SNX19: variants seen among roughly 807,000 people sequenced by gnomAD.
SNX19 encodes the protein sorting nexin 19, also known as sorting nexin-19.
Under a neutral mutation model 85.2 loss-of-function variants are expected in SNX19, and 60 were observed. The ratio of observed to expected loss-of-function variants is 0.70; its 90% CI spans 0.57 to 0.87. The LOEUF is 0.87. Among genes scored for constraint, SNX19 ranks in the 40% least tolerant of loss-of-function variants. The pLI is 0.00. For missense variants in SNX19, 1,201 were observed against 1,217.8 expected (o/e 0.99, Z 0.21); for synonymous variants, 520 against 470.0 (o/e 1.11, Z -1.38).
In SNX19 at chr11:130,876,411, G is replaced by C. The variant is rs542403079; in HGVS notation, c.*2011C>G. 2.6e-5 allele frequency: 4 copies of C among 152,632 alleles called. No homozygotes were observed. Among genetic ancestry groups the C allele is most frequent in the African/African-American group, 9.6e-5 (4 of 41,454 alleles). 9.5% of individuals were successfully genotyped at this position (152,632 alleles called of 1,614,324 possible). On this transcript the variant is annotated 3_prime_UTR_variant, in exon 11 of 11. Transcript: ENST00000265909. Reference sequence around the variant, plus strand: ...AGCTTATCTTTTTGGGGTACGTGGAGTAGAGGTGGGGACTCTTATATAATA... The same window carrying C: ...AGCTTATCTTTTTGGGGTACGTGGACTAGAGGTGGGGACTCTTATATAATA...
chr11:130,911,607 C>T (rs1198748797), intron 2 of SNX19, 26 bp downstream of exon 2: 3 of 1,613,422 alleles, frequency 1.9e-6, no homozygotes, highest in African/African-American at 1.3e-5. Flanking sequence ...AGCAAGCGGG[C>T]AGTAGGGGTT....
rs200488520 is a variant in SNX19, at chr11:130,914,263, T to G, written c.1674+3A>C. The G allele has an allele frequency of 2.0e-3, 3,136 of 1,539,806 alleles. 1 individual carries two copies. The highest frequency in any genetic ancestry group is 2.6e-3 in the Non-Finnish European group (2,930 of 1,142,108). ...TGAGCACCCACAGCTTTAATCCTGT[T>G]ACCTTCACAGTATAGAGTGTGTATG... On this transcript the variant is annotated splice_donor_region_variant and intron_variant, in intron 1 of 10. Transcript: ENST00000265909.
At chr11:130,901,248 T>C (rs1281306345) in intron 8 of SNX19, among the ~76,000 whole-genome samples, 2 of 152,126 alleles carry the variant, frequency 1.3e-5, no homozygotes, top group African/African-American at 4.8e-5. Context: ...GGGACAAAAG[T>C]GTACCCCAGT....
chr11:130,876,365 G>C lies in SNX19; in HGVS notation c.*2057C>G, dbSNP rs1943248585. 1 of 152,460 alleles carries C rather than the reference G, an allele frequency of 6.6e-6. No individual in the cohort carries two copies. Among genetic ancestry groups the C allele is most frequent in the Admixed American group, 6.5e-5 (1 of 15,286 alleles). The allele number at this position is 152,460 out of a possible 1,614,324, so 9.4% of individuals were successfully genotyped here. On this transcript the variant is annotated 3_prime_UTR_variant, in exon 11 of 11. Coordinates refer to ENST00000265909, the MANE Select transcript of SNX19 (RefSeq NM_014758.3). ...GCAATATCCATTATTTCCCTCCTGGGTAGAAGGAGGATCTGAGGACAGCTT... is the reference window on the plus strand; with the variant it reads ...GCAATATCCATTATTTCCCTCCTGGCTAGAAGGAGGATCTGAGGACAGCTT...
chr11:130,914,696 T>C lies in SNX19; in HGVS notation c.1244A>G (p.Asp415Gly), dbSNP rs761046819. The C allele has an allele frequency of 5.6e-6, 9 of 1,613,940 alleles. No homozygotes were observed. Among genetic ancestry groups the C allele is most frequent in the Non-Finnish European group, 7.6e-6 (9 of 1,179,914 alleles). ...CTCTGCTCCTTCAGATGCCTCACCATCTTTGGGTTCCAGAGCCTGGGAACT... is the reference window on the plus strand; with the variant it reads ...CTCTGCTCCTTCAGATGCCTCACCACCTTTGGGTTCCAGAGCCTGGGAACT... ...LESSQALEPK[D>G]GEASEGAEAE... The change falls in exon 1 of 11, where the codon GAT becomes GGT. Residue 415 changes from aspartate (D) to glycine (G), a missense_variant. Coordinates refer to ENST00000265909, the MANE Select transcript of SNX19 (RefSeq NM_014758.3).
chr11:130,883,422 A>C (rs889115028), intron 8 of SNX19, among the ~76,000 whole-genome samples: 2 of 152,192 alleles, frequency 1.3e-5, no homozygotes, highest in African/African-American at 4.8e-5. Flanking sequence ...CCCTGGAAAA[A>C]GTCAGGCCCA....
At chr11:130,892,007 A>T (rs988262267) in intron 8 of SNX19, among the ~76,000 whole-genome samples, 2 of 150,966 alleles carry the variant, frequency 1.3e-5, no homozygotes, top group African/African-American at 2.4e-5. Context: ...TGCCCGGCAA[A>T]TTTTTTTTGT....
At chr11:130,914,177 G>T in intron 1 of SNX19, 89 bp downstream of exon 1, 1 of 1,104,252 alleles carries the variant, frequency 9.1e-7, no homozygotes, top group Non-Finnish European at 1.3e-6. Context: ...CAAACTAACA[G>T]CATCTCTCCC....
rs1191149678 is a variant in SNX19, at chr11:130,906,070, C to T, written c.2326G>A (p.Glu776Lys). 6.2e-7 allele frequency: 1 copy of T among 1,614,112 alleles called. No homozygotes were observed. Among genetic ancestry groups the T allele is most frequent in the East Asian group, 2.2e-5 (1 of 44,876 alleles). ...SFIEKQTKLL[E>K]MQPTKAPEKD... ...TCTGGGGCTTTTGTTGGCTGCATTT[C>T]CAGTAACTTTGTCTGTTTTTCAATA... Residue 776 changes from glutamate to lysine, a missense_variant, in exon 7 of 11, where the codon GAA becomes AAA. Physicochemically the swap from Glu to Lys is moderately conservative, Grantham distance 56. This residue lies in a region of SNX19 where 285 missense variants were observed against 295.3 expected (regional missense o/e 0.97). Coordinates refer to ENST00000265909, the MANE Select transcript of SNX19 (RefSeq NM_014758.3).
chr11:130,888,538 T>C (rs1319241455), intron 8 of SNX19, among the ~76,000 whole-genome samples: 1 of 152,196 alleles, frequency 6.6e-6, no homozygotes, highest in Non-Finnish European at 1.5e-5. Context: ...TGCATGCTAA[T>C]CAGGCAGGGC....
chr11:130,915,999 AG>A lies in SNX19; in HGVS notation c.-61del. 1.4e-6 allele frequency: 2 copies of A among 1,462,018 alleles called. No homozygotes were observed. Among genetic ancestry groups the A allele is most frequent in the Non-Finnish European group, 1.9e-6 (2 of 1,070,568 alleles). The allele number at this position is 1,462,018 out of a possible 1,614,324, so 90.6% of individuals were successfully genotyped here. On this transcript the variant is annotated 5_prime_UTR_variant, in exon 1 of 11. An upstream open reading frame in the 5' UTR gains an earlier in-frame stop. Transcript: ENST00000265909. ...GCCCTCAAGATTTTACTTCAGAGTT[AG>A]GGAAGGGGGGCATGAACTGTGTCTC...
chr11:130,884,149 C>A (rs1217536574), intron 8 of SNX19, among the ~76,000 whole-genome samples: 1 of 152,164 alleles, frequency 6.6e-6, no homozygotes, highest in Non-Finnish European at 1.5e-5. Context: ...GTTCTATCAT[C>A]CTTCTCTAAG....
At chr11:130,906,336 C>A (rs1328016757) in intron 6 of SNX19, among the ~76,000 whole-genome samples, 1 of 152,168 alleles carries the variant, frequency 6.6e-6, no homozygotes, top group Non-Finnish European at 1.5e-5. Flanking sequence ...CATTTCTGCA[C>A]CCATTTTTGG....
In SNX19 at chr11:130,878,069, T is replaced by G. The variant is rs1943368777; in HGVS notation, c.*353A>C. 5.6e-6 allele frequency: 1 copy of G among 177,486 alleles called. No individual in the cohort carries two copies. Among genetic ancestry groups the G allele is most frequent in the African/African-American group, 2.3e-5 (1 of 42,854 alleles). 11.0% of individuals were successfully genotyped at this position (177,486 alleles called of 1,614,324 possible). ...TGTGTGCTGGTGGATTAAGCACATG[T>G]GTGCACAGGGCCAGGATTCTGGCAA... On this transcript the variant is annotated 3_prime_UTR_variant, in exon 11 of 11. Coordinates refer to ENST00000265909, the MANE Select transcript of SNX19 (RefSeq NM_014758.3).
intron 8 of SNX19, among the ~76,000 whole-genome samples, chr11:130,890,526 T>A (rs1944419889): frequency 6.6e-6 from 1 of 152,134 alleles, no homozygotes; most frequent in Admixed American, 6.5e-5. Flanking sequence ...CTCACAGGAG[T>A]CTGAATGAGC....
chr11:130,880,925 T>G, intron 8 of SNX19, 119 bp from the exon 9 acceptor site: 1 of 820,010 alleles, frequency 1.2e-6, no homozygotes, highest in Admixed American at 2.8e-5. Context: ...ACCCTCAAGG[T>G]GATGGCAGTA....
rs1489456776 is a variant in SNX19, at chr11:130,911,669, G to C, written c.1777C>G (p.Leu593Val). ...YREFLNLQTRLEEKPDLRKFI... is the reference protein window; with the variant it reads ...YREFLNLQTRVEEKPDLRKFI... The stretch of plus-strand genomic sequence containing the variant: ...TTTCGTAGATCTGGTTTCTCCTCCA[G>C]ACGGGTCTGCAGATTCAAGAACTCC... Residue 593 changes from leucine to valine, a missense_variant, in exon 2 of 11, where the codon CTG becomes GTG. Physicochemically the swap from Leu to Val is conservative, Grantham distance 32 (BLOSUM62 1). Transcript: ENST00000265909. 5 of 1,614,098 alleles carry C rather than the reference G, an allele frequency of 3.1e-6. No individual in the cohort carries two copies. The highest frequency in any genetic ancestry group is 4.2e-6 in the Non-Finnish European group (5 of 1,180,056).
rs10678203 is a variant in SNX19 at position 130,890,890 on chromosome 11, C to CTTT, written c.2574-10087_2574-10085dup. 8.3e-3 allele frequency among the ~76,000 whole-genome samples: 1,189 copies of CTTT among 142,930 alleles called. 30 individuals carry two copies. The highest frequency in any genetic ancestry group is 0.024 in the African/African-American group (945 of 38,720). The allele number at this position is 142,930 out of a possible 152,430, so 93.8% of individuals were successfully genotyped here. ...CACTTCCTATGGTAGGGATTTGGGT[C>CTTT]TTTTTTTTTTTTTTGTATTTTGATC... On this transcript the variant is annotated intron_variant, in intron 8 of 10. Transcript: ENST00000265909.
intron 1 of SNX19, among the ~76,000 whole-genome samples, chr11:130,912,642 T>C (rs1946221253): frequency 6.6e-6 from 1 of 151,792 alleles, no homozygotes; most frequent in South Asian, 2.1e-4. Context: ...TTGGTGGGAG[T>C]TGTGGCTGGT....
Sources: allele counts gnomAD v4.1 joint callset (sites outside exome capture counted in the v4.1 genomes callset), GRCh38; gene constraint gnomAD v4.1.1; regional missense constraint gnomAD v4.1.1; transcripts MANE v1.5; gene names NCBI Gene and HGNC (gene_info 2026-07-23, HGNC 2026-07-21).